MCF2L2: variants seen among roughly 807,000 people sequenced by gnomAD.
The protein encoded by MCF2L2 is probable guanine nucleotide exchange factor MCF2L2.
In MCF2L2, 102 loss-of-function variants were observed where a neutral mutation model predicts 150.2. The ratio of observed to expected loss-of-function variants is 0.68; its 90% CI spans 0.58 to 0.80. The LOEUF (loss-of-function observed/expected upper bound fraction) is 0.80. Among genes scored for constraint, MCF2L2 ranks in the 30% least tolerant of loss-of-function variants. The pLI is 0.00. For synonymous variants in MCF2L2, 465 were observed against 491.3 expected (o/e 0.95, Z 0.71); for missense variants, 1,256 against 1,372.8 (o/e 0.91, Z 1.34).
intron 22 of MCF2L2, among the ~76,000 whole-genome samples, chr3:183,212,343 A>G (rs1276375391): frequency 2.0e-5 from 3 of 152,208 alleles, no homozygotes; most frequent in Admixed American, 1.3e-4. Context: ...ACCAGTAACA[A>G]AGAAGTGTGG....
chr3:183,217,526 A>G (rs896636699), intron 21 of MCF2L2, among the ~76,000 whole-genome samples: 2 of 152,122 alleles, frequency 1.3e-5, no homozygotes, highest in Non-Finnish European at 2.9e-5. Flanking sequence ...TCATATTCCT[A>G]TATTTAATGT....
chr3:183,180,111 T>A lies in MCF2L2; in HGVS notation c.3065A>T (p.Glu1022Val). Residue 1022 changes from glutamate to valine, a missense_variant, in exon 28 of 30, where the codon GAA becomes GTA. Physicochemically the swap from Glu to Val is moderately radical, Grantham distance 121 (BLOSUM62 -2). Coordinates refer to ENST00000328913, the MANE Select transcript of MCF2L2 (RefSeq NM_015078.4). Reference protein sequence around the residue: ...FSSMDTFEDCEGAEDMEKESS... With the variant: ...FSSMDTFEDCVGAEDMEKESS... ...CTCCTTTTCCATGTCTTCTGCGCCTTCACAGTCTTCAAAGGTGTCCATGGA... is the reference window on the plus strand; with the variant it reads ...CTCCTTTTCCATGTCTTCTGCGCCTACACAGTCTTCAAAGGTGTCCATGGA... 1 of 1,614,046 alleles carries A rather than the reference T, an allele frequency of 6.2e-7. No individual in the cohort carries two copies. The highest frequency in any genetic ancestry group is 8.5e-7 in the Non-Finnish European group (1 of 1,179,970).
intron 27 of MCF2L2, among the ~76,000 whole-genome samples, chr3:183,184,980 G>A (rs928676686): frequency 1.3e-5 from 2 of 150,836 alleles, no homozygotes; most frequent in African/African-American, 2.4e-5. Context: ...GCAGTGACAC[G>A]ATCTCGGCTC....
At chr3:183,401,303 T>C (rs1322569546) in intron 1 of MCF2L2, among the ~76,000 whole-genome samples, 1 of 152,218 alleles carries the variant, frequency 6.6e-6, no homozygotes, top group Non-Finnish European at 1.5e-5. Flanking sequence ...CAATGTGAAA[T>C]AGCCAATCAG....
intron 14 of MCF2L2, among the ~76,000 whole-genome samples, chr3:183,285,040 C>G (rs1727711049): frequency 6.6e-6 from 1 of 152,210 alleles, no homozygotes; most frequent in African/African-American, 2.4e-5. Context: ...AATGAGAAGA[C>G]AAGGAACTGA....
intron 27 of MCF2L2, 72 bp downstream of exon 27, chr3:183,192,927 T>C: frequency 8.8e-7 from 1 of 1,131,582 alleles, no homozygotes; most frequent in Non-Finnish European, 1.3e-6. Flanking sequence ...AGGTGATGTC[T>C]TCCTTAGCAT....
At chr3:183,219,947 T>C (rs758742091) in intron 20 of MCF2L2, 23 bp from the exon 21 acceptor site, 5 of 1,580,348 alleles carry the variant, frequency 3.2e-6, no homozygotes, top group Non-Finnish European at 2.6e-6. Flanking sequence ...AAAAGTCTTG[T>C]TGAAAATTAA....
intron 15 of MCF2L2, chr3:183,272,810 G>A (rs1043918904): frequency 2.5e-6 from 3 of 1,201,632 alleles, no homozygotes; most frequent in African/African-American, 3.2e-5. Flanking sequence ...ACTTGGAAGT[G>A]TTTAAGGTTG....
chr3:183,216,576 ATATATTTTTTTTTTTTTTTTTTTTTT>A (rs1250053653), intron 21 of MCF2L2, among the ~76,000 whole-genome samples: 7,283 of 26,436 alleles, frequency 0.28, 478 homozygotes, highest in Admixed American at 0.34. Context: ...ATATATATAT[ATATATTTTTTTTTTTTTTTTTTTTTT>A]TTTTTTTTTT....
intron 17 of MCF2L2, 75 bp downstream of exon 17, chr3:183,229,591 C>T: frequency 1.4e-6 from 1 of 697,848 alleles, no homozygotes; most frequent in Non-Finnish European, 2.4e-6. Context: ...GTGTTTTCAT[C>T]TCTCAATTCC....
chr3:183,373,105 G>C (rs1712986086), intron 3 of MCF2L2: 1 of 152,160 alleles, frequency 6.6e-6, no homozygotes, highest in Admixed American at 6.5e-5. Flanking sequence ...CTTACATTCT[G>C]AGAAAGTGAC....
At chr3:183,213,689 G>A (rs1014938831) in intron 22 of MCF2L2, among the ~76,000 whole-genome samples, 1 of 152,182 alleles carries the variant, frequency 6.6e-6, no homozygotes, top group Non-Finnish European at 1.5e-5. Context: ...AACAGATAAA[G>A]AGTGGAATAG....
chr3:183,313,976 G>A (rs1232322840), intron 7 of MCF2L2, among the ~76,000 whole-genome samples: 1 of 152,196 alleles, frequency 6.6e-6, no homozygotes, highest in African/African-American at 2.4e-5. Context: ...TCTCCTTGAT[G>A]GGTGGAAAGG....
intron 5 of MCF2L2, among the ~76,000 whole-genome samples, chr3:183,333,704 G>C (rs966035492): frequency 6.6e-6 from 1 of 152,050 alleles, no homozygotes; most frequent in African/African-American, 2.4e-5. Context: ...TGATTTCTAG[G>C]ATATTTGTAA....
chr3:183,353,694 G>A (rs1711602910), intron 3 of MCF2L2, among the ~76,000 whole-genome samples: 1 of 152,070 alleles, frequency 6.6e-6, no homozygotes, highest in Admixed American at 6.5e-5. Context: ...CTGCCCCCAT[G>A]ATCCATTCAT....
At chr3:183,272,794 A>G in intron 15 of MCF2L2, 10 of 1,156,848 alleles carry the variant, frequency 8.6e-6, no homozygotes, top group Non-Finnish European at 9.7e-6. Flanking sequence ...TACCCTGTGT[A>G]TCTATACTTG....
chr3:183,372,376 A>G (rs57447492), intron 3 of MCF2L2: 48,229 of 152,078 alleles, frequency 0.32, 11,736 homozygotes, highest in African/African-American at 0.68. Flanking sequence ...CACAACGAAC[A>G]CCAAAGACTA....
At chr3:183,396,067 T>A (rs557701934) in intron 1 of MCF2L2, among the ~76,000 whole-genome samples, 1 of 146,488 alleles carries the variant, frequency 6.8e-6, no homozygotes. Context: ...CCCATGAACA[T>A]ATGTATTAAA....
At chr3:183,272,995 C>CT in intron 15 of MCF2L2, 8 of 1,478,278 alleles carry the variant, frequency 5.4e-6, no homozygotes, top group East Asian at 5.3e-5. Context: ...AAGGCACTTC[C>CT]TTTTTTTCTA....
Sources: gnomAD v4.1 joint callset for allele counts (sites outside exome capture counted in the v4.1 genomes callset) on GRCh38, gnomAD v4.1.1 for gene constraint, MANE v1.5 for transcripts, NCBI Gene and HGNC (gene_info 2026-07-23, HGNC 2026-07-21) for gene names.